Variants in GK observed in about 807,000 individuals in gnomAD.
GK encodes glycerol kinase.
A neutral mutation model predicts 56.4 loss-of-function variants in GK; 9 were observed. That is an observed-to-expected ratio of 0.16 (90% CI 0.10 to 0.28). The LOEUF (loss-of-function observed/expected upper bound fraction) is 0.28. Among genes scored for constraint, GK ranks in the 10% least tolerant of loss-of-function variants. The probability of loss-of-function intolerance (pLI) is 1.00; values close to 1 mark genes in which losing one functional copy is unlikely to be tolerated. For synonymous variants in GK, 104 were observed against 144.1 expected (o/e 0.72, Z 1.99); for missense variants, 161 against 431.4 (o/e 0.37, Z 5.55).
rs186942639 is a variant in GK, at chrX:30,717,128, T to C, written c.976-1410T>C. The stretch of plus-strand genomic sequence containing the variant: ...GACAACAAGAAGGCATGACCATTTG[T>C]AATTCAGTTAATAGAACTGAGGACA... On this transcript the variant is annotated intron_variant, in intron 13 of 20. Transcript: ENST00000427190. 8.9e-4 allele frequency among the ~76,000 whole-genome samples: 99 copies of C among 111,738 alleles called. 1 individual carries two copies. Among genetic ancestry groups the C allele is most frequent in the Non-Finnish European group, 1.9e-4 (10 of 53,032 alleles).
intron 9 of GK, among the ~76,000 whole-genome samples, chrX:30,698,603 C>T (rs1799401887): frequency 9.2e-6 from 1 of 108,843 alleles, no homozygotes; most frequent in Non-Finnish European, 1.9e-5. Flanking sequence ...ACTTGGGAGG[C>T]CGAGGCAGGA....
chrX:30,676,865 AC>A (rs1198874117), intron 3 of GK, among the ~76,000 whole-genome samples: 2 of 111,857 alleles, frequency 1.8e-5, no homozygotes, highest in African/African-American at 6.5e-5. Flanking sequence ...TGAATTTCTA[AC>A]AAACCATAAT....
At chrX:30,695,941 G>A in intron 6 of GK, 101 bp from the exon 7 acceptor site, 9 of 532,358 alleles carry the variant, frequency 1.7e-5, no homozygotes, top group South Asian at 1.0e-4. Context: ...GTAATGTTCC[G>A]TTCTTTTGCT....
At chrX:30,676,043 G>A (rs1433125218) in intron 3 of GK, among the ~76,000 whole-genome samples, 3 of 111,804 alleles carry the variant, frequency 2.7e-5, no homozygotes, top group South Asian at 3.7e-4. Flanking sequence ...CACCTGCCTC[G>A]GCCTCCCGGA....
chrX:30,657,138 C>T (rs1258519815), intron 1 of GK, among the ~76,000 whole-genome samples: 1 of 112,946 alleles, frequency 8.9e-6, no homozygotes, highest in Admixed American at 9.4e-5. Context: ...CGTCAGCCAC[C>T]GTGCCCAGCC....
chrX:30,662,527 T>G (rs1446882496), intron 1 of GK, among the ~76,000 whole-genome samples: 1 of 111,489 alleles, frequency 9.0e-6, no homozygotes, highest in Non-Finnish European at 1.9e-5. Flanking sequence ...CTTCCAAAGA[T>G]CCATGAATTC....
intron 18 of GK, among the ~76,000 whole-genome samples, chrX:30,723,124 G>A (rs1434458294): frequency 8.9e-6 from 1 of 111,922 alleles, no homozygotes; most frequent in African/African-American, 3.2e-5. Flanking sequence ...TGCGGGGCGT[G>A]GTGGCTCACG....
intron 11 of GK, among the ~76,000 whole-genome samples, chrX:30,701,928 A>C (rs1935687854): frequency 8.9e-6 from 1 of 112,354 alleles, no homozygotes; most frequent in South Asian, 3.6e-4. Flanking sequence ...ACCAGATCTC[A>C]AGGCCATGCC....
At chrX:30,679,046 A>C (rs2147169124) in intron 4 of GK, among the ~76,000 whole-genome samples, 1 of 109,285 alleles carries the variant, frequency 9.2e-6, no homozygotes, top group Non-Finnish European at 1.9e-5. Context: ...TCTCATGAGT[A>C]ATTCATTTTG....
intron 4 of GK, 137 bp from the exon 5 acceptor site, chrX:30,690,979 TTTTCTAA>T (rs1243779890): frequency 2.5e-6 from 1 of 400,662 alleles, no homozygotes; most frequent in East Asian, 4.1e-5. Context: ...TCATTTCTAA[TTTTCTAA>T]TTTCTATCTC....
At chrX:30,698,976 G>C (rs191837613) in intron 9 of GK, among the ~76,000 whole-genome samples, 34 of 107,278 alleles carry the variant, frequency 3.2e-4, no homozygotes, top group African/African-American at 1.0e-3. Flanking sequence ...ATTTTGTAAA[G>C]GGTTTCTACA....
intron 12 of GK, 97 bp from the exon 13 acceptor site, chrX:30,707,957 A>G (rs1936104263): frequency 1.9e-6 from 1 of 523,326 alleles, no homozygotes; most frequent in Non-Finnish European, 3.3e-6. Flanking sequence ...TATTGATTGC[A>G]TTATTTTGTA....
chrX:30,703,068 G>T (rs1360482910), intron 11 of GK, among the ~76,000 whole-genome samples: 1 of 112,221 alleles, frequency 8.9e-6, no homozygotes, highest in Admixed American at 9.5e-5. Context: ...GTTTCAATGG[G>T]AGGATAGAAA....
intron 6 of GK, among the ~76,000 whole-genome samples, chrX:30,695,816 C>T (rs762862741): frequency 8.9e-6 from 1 of 112,462 alleles, no homozygotes; most frequent in East Asian, 2.8e-4. Context: ...AAGGTGGCCA[C>T]TAGCCACATT....
At chrX:30,666,178 G>A (rs188478664) in intron 2 of GK, among the ~76,000 whole-genome samples, 110 of 111,660 alleles carry the variant, frequency 9.9e-4, no homozygotes, top group African/African-American at 3.4e-3. Context: ...TATGCCCATC[G>A]AAAGACTTGC....
intron 11 of GK, among the ~76,000 whole-genome samples, chrX:30,703,965 A>C (rs909199629): frequency 7.5e-5 from 8 of 107,212 alleles, no homozygotes; most frequent in East Asian, 2.9e-4. Context: ...TCAAAAAAAA[A>C]AAAGATGGAA....
intron 13 of GK, among the ~76,000 whole-genome samples, chrX:30,709,130 C>T (rs181760300): frequency 4.0e-4 from 45 of 112,437 alleles, no homozygotes; most frequent in Admixed American, 3.5e-3. Flanking sequence ...TACTTTCCCT[C>T]TGTGGAGAGT....
chrX:30,712,717 C>CTTTTTTTTTTTTT (rs769269247), intron 13 of GK, among the ~76,000 whole-genome samples: 60 of 48,405 alleles, frequency 1.2e-3, no homozygotes, highest in East Asian at 2.4e-3. Context: ...TTTTTCTTTT[C>CTTTTTTTTTTTTT]TTTTTTTTTT....
At chrX:30,726,698 T>C (rs1015258362) in intron 19 of GK, among the ~76,000 whole-genome samples, 3 of 112,014 alleles carry the variant, frequency 2.7e-5, no homozygotes, top group African/African-American at 9.7e-5. Context: ...GTTGTATTCC[T>C]TTAAGCAATC....
Sources: allele counts gnomAD v4.1 joint callset (sites outside exome capture counted in the v4.1 genomes callset), GRCh38; gene constraint gnomAD v4.1.1; transcripts MANE v1.5; gene names NCBI Gene and HGNC (gene_info 2026-07-23, HGNC 2026-07-21).